The following IPO11 variants were observed in gnomAD, a reference collection of about 807,000 sequenced individuals.
IPO11 encodes the protein importin-11.
IPO11 carries 66 observed loss-of-function variants against 143.2 expected under a neutral mutation model. The observed-to-expected ratio is 0.46, with a 90% CI of 0.38 to 0.57. IPO11 has a LOEUF of 0.57. Ranked by LOEUF, IPO11 falls within the 20% of genes least tolerant of loss-of-function variation. IPO11 has a pLI of 0.00. For synonymous variants in IPO11, 385 were observed against 377.8 expected, an observed-to-expected ratio of 1.02 and a Z score of -0.22; for missense variants, 1,026 against 1,141.0, an observed-to-expected ratio of 0.90 and a Z score of 1.45.
chr5:62,454,497 T>TTA (rs1745055911), intron 5 of IPO11, among the ~76,000 whole-genome samples: 1 of 152,232 alleles, frequency 6.6e-6, no homozygotes, highest in Non-Finnish European at 1.5e-5. Context: ...CACTCTCTAA[T>TTA]ATGTTGCCTT....
In IPO11 at chr5:62,574,758, A is replaced by G. The variant is rs77708548; in HGVS notation, c.2582+13501A>G. Among the ~76,000 whole-genome samples the G allele has an allele frequency of 4.1e-3, 627 of 152,346 alleles. 46 individuals are homozygous for G. The East Asian group carries it at 0.1, about 25-fold the overall frequency. On this transcript the variant is annotated intron_variant, in intron 27 of 29. Coordinates refer to ENST00000325324, the MANE Select transcript of IPO11 (RefSeq NM_016338.5). ...TCCATGGAAATAAAATATGCTTCTC[A>G]GAATGACTGTGTAACAGGAACAGAG...
At position 62,596,644 on chromosome 5, in the gene IPO11, A is replaced by T. The variant is rs568050205; in HGVS notation, c.2678+4972A>T. 2.0e-4 allele frequency among the ~76,000 whole-genome samples: 30 copies of T among 152,334 alleles called. No individual in the cohort carries two copies. In the South Asian group the frequency reaches 6.0e-3, roughly 30 times the overall value. ...TTGACCCACTGAACGGCTCTTCAGA[A>T]TAGAATAGAGAATACTAGAAGAAAT... On this transcript the variant is annotated intron_variant, in intron 28 of 29. Coordinates refer to ENST00000325324, the MANE Select transcript of IPO11 (RefSeq NM_016338.5).
chr5:62,591,348 C>T (rs1273970037), intron 27 of IPO11, among the ~76,000 whole-genome samples: 2 of 151,858 alleles, frequency 1.3e-5, no homozygotes, highest in African/African-American at 4.8e-5. Context: ...TATTCCTTTA[C>T]TATCGAATCT....
chr5:62,533,700 T>G (rs572770915), intron 22 of IPO11, among the ~76,000 whole-genome samples: 7 of 152,188 alleles, frequency 4.6e-5, no homozygotes, highest in Non-Finnish European at 1.0e-4. Flanking sequence ...ATTAAGCCAC[T>G]GGGCTAGTTG....
chr5:62,498,673 G>T (rs1265995179), intron 16 of IPO11, among the ~76,000 whole-genome samples: 1 of 151,978 alleles, frequency 6.6e-6, no homozygotes, highest in East Asian at 1.9e-4. Context: ...TGGATCACCT[G>T]AGCCTGGCCA....
rs1746612385 is a variant in IPO11 at position 62,627,096 on chromosome 5, A to C, written c.2764-58A>C. 8.8e-6 allele frequency: 13 copies of C among 1,472,598 alleles called. No individual in the cohort carries two copies. In the South Asian group the frequency reaches 1.6e-4, roughly 18 times the overall value. 91.2% of individuals were successfully genotyped at this position (1,472,598 alleles called of 1,614,324 possible). ...ATTACAAAGAACTTTTGTAAATTGC[A>C]GGTAGGAGAGACTTGTTTTGCTTTT... On this transcript the variant is annotated intron_variant, in intron 29 of 29. Coordinates refer to ENST00000325324, the MANE Select transcript of IPO11 (RefSeq NM_016338.5).
chr5:62,477,561 A>G (rs978082209), intron 9 of IPO11, among the ~76,000 whole-genome samples: 1 of 152,184 alleles, frequency 6.6e-6, no homozygotes, highest in African/African-American at 2.4e-5. Flanking sequence ...ATCTTCCAAG[A>G]TACATTATAA....
At chr5:62,445,314 A>T (rs2112149735) in intron 3 of IPO11, among the ~76,000 whole-genome samples, 1 of 152,252 alleles carries the variant, frequency 6.6e-6, no homozygotes, top group African/African-American at 2.4e-5. Context: ...AATTAATTAA[A>T]TACTGTCCAA....
intron 20 of IPO11, among the ~76,000 whole-genome samples, chr5:62,521,775 A>T (rs1742211142): frequency 6.8e-6 from 1 of 147,198 alleles, no homozygotes; most frequent in Admixed American, 6.8e-5. Context: ...CTTTCTAGGG[A>T]ATTTTCTCAG....
chr5:62,486,978 T>C (rs1746429497), intron 12 of IPO11, among the ~76,000 whole-genome samples: 1 of 152,106 alleles, frequency 6.6e-6, no homozygotes, highest in Admixed American at 6.5e-5. Context: ...ATTAAAAAAT[T>C]TAAATATTGT....
chr5:62,431,905 C>T (rs773012653), intron 1 of IPO11, among the ~76,000 whole-genome samples: 7 of 151,292 alleles, frequency 4.6e-5, no homozygotes, highest in Non-Finnish European at 8.8e-5. Context: ...TGTATCACTG[C>T]ACTCCAGCCT....
intron 27 of IPO11, among the ~76,000 whole-genome samples, chr5:62,578,118 C>G (rs1744389590): frequency 1.3e-5 from 2 of 152,016 alleles, no homozygotes; most frequent in Admixed American, 1.3e-4. Context: ...ATTTTTCTTG[C>G]AAAGATAACC....
intron 27 of IPO11, among the ~76,000 whole-genome samples, chr5:62,574,765 CTG>C (rs1744255353): frequency 6.6e-6 from 1 of 152,130 alleles, no homozygotes; most frequent in Admixed American, 6.5e-5. Flanking sequence ...CTCAGAATGA[CTG>C]TGTAACAGGA....
chr5:62,440,349 C>CTTT (rs747340732), intron 2 of IPO11, among the ~76,000 whole-genome samples: 12 of 132,150 alleles, frequency 9.1e-5, no homozygotes, highest in Admixed American at 1.6e-4. Context: ...TGTACGTCCC[C>CTTT]TTTTTTTTTT....
intron 29 of IPO11, among the ~76,000 whole-genome samples, chr5:62,611,606 T>C (rs1231822577): frequency 1.3e-5 from 2 of 152,222 alleles, no homozygotes; most frequent in African/African-American, 4.8e-5. Context: ...GTATCTCCCT[T>C]ATTTACTTGA....
chr5:62,565,444 C>T (rs911610508), intron 27 of IPO11, among the ~76,000 whole-genome samples: 1 of 152,106 alleles, frequency 6.6e-6, no homozygotes, highest in Admixed American at 6.5e-5. Flanking sequence ...CAGTATTGCG[C>T]CACTGCACTC....
chr5:62,565,280 C>G (rs1210982483), intron 27 of IPO11, among the ~76,000 whole-genome samples: 1 of 152,020 alleles, frequency 6.6e-6, no homozygotes, highest in Non-Finnish European at 1.5e-5. Flanking sequence ...GAGGTCAGGA[C>G]TTTGAGACCA....
In IPO11 at chr5:62,424,033, T is replaced by C. The variant is rs555040027; in HGVS notation, c.-7+11104T>C. Among the ~76,000 whole-genome samples, 3 of 152,302 alleles carry C rather than the reference T, an allele frequency of 2.0e-5. No individual in the cohort carries two copies. The East Asian group carries it at 5.8e-4, about 29-fold the overall frequency. ...CTTGGGCTATAGATCATGATTTTTT[T>C]TCTGAGACATGGTCTCACTCTGTTG... On this transcript the variant is annotated intron_variant, in intron 1 of 29. Coordinates refer to ENST00000325324, the MANE Select transcript of IPO11 (RefSeq NM_016338.5).
intron 29 of IPO11, among the ~76,000 whole-genome samples, chr5:62,613,456 C>T (rs1746006189): frequency 6.6e-6 from 1 of 151,810 alleles, no homozygotes; most frequent in South Asian, 2.1e-4. Flanking sequence ...GTGCACACCA[C>T]CACACCTGGC....
Sources: allele counts gnomAD v4.1 joint callset (sites outside exome capture counted in the v4.1 genomes callset), GRCh38; gene constraint gnomAD v4.1.1; transcripts MANE v1.5; gene names NCBI Gene and HGNC (gene_info 2026-07-23, HGNC 2026-07-21).